The following GBE1 variants were observed in gnomAD, a reference collection of about 807,000 sequenced individuals.
GBE1 encodes the protein 1,4-alpha-glucan-branching enzyme.
In GBE1, 70 loss-of-function variants were observed where a neutral mutation model predicts 88.8. The observed-to-expected ratio is 0.79, with a 90% confidence interval of 0.65 to 0.96. The LOEUF (loss-of-function observed/expected upper bound fraction) is 0.96. Among genes scored for constraint, GBE1 ranks in the 40% least tolerant of loss-of-function variants. The pLI, the probability that GBE1 is intolerant of heterozygous loss-of-function variation, is 0.00. For missense variants in GBE1, 872 were observed against 871.0 expected (o/e 1.00, Z -0.01); for synonymous variants, 284 against 300.1 (o/e 0.95, Z 0.56).
rs1247928713 is a variant in GBE1 at position 81,737,818 on chromosome 3, T to C, written c.143+23557A>G. 2.4e-4 allele frequency among the ~76,000 whole-genome samples: 37 copies of C among 152,154 alleles called. 1 individual carries two copies. The highest frequency in any genetic ancestry group is 2.4e-3 in the Admixed American group (36 of 15,262). Reference sequence around the variant, plus strand: ...GCACAATGCGCAGGTTAGTTACATATGTATACATGTGACATGCTGGTGCGC... The same window carrying C: ...GCACAATGCGCAGGTTAGTTACATACGTATACATGTGACATGCTGGTGCGC... On this transcript the variant is annotated intron_variant, in intron 1 of 15. Transcript: ENST00000429644.
At chr3:81,506,170 G>T (rs908351878) in intron 14 of GBE1, among the ~76,000 whole-genome samples, 4 of 152,032 alleles carry the variant, frequency 2.6e-5, no homozygotes, top group African/African-American at 4.8e-5. Context: ...ATCTGACAAA[G>T]TTCTAATATT....
At chr3:81,637,281 G>A (rs1704604717) in intron 7 of GBE1, among the ~76,000 whole-genome samples, 1 of 152,080 alleles carries the variant, frequency 6.6e-6, no homozygotes, top group East Asian at 1.9e-4. Flanking sequence ...CATAGCATTA[G>A]GCTACTATTG....
In GBE1 at chr3:81,590,739, C is replaced by T. The variant is rs116990142; in HGVS notation, c.1236+298G>A. 5.8e-3 allele frequency among the ~76,000 whole-genome samples: 882 copies of T among 152,174 alleles called. 20 individuals are homozygous for T. Among genetic ancestry groups the T allele is most frequent in the East Asian group, 0.03 (155 of 5,186 alleles). The stretch of plus-strand genomic sequence containing the variant: ...CATTAATATTCAATTCTTTTCTCTG[C>T]TGAAGGTCTCATAGCGAAGGGCCTG... On this transcript the variant is annotated intron_variant, in intron 9 of 15. Transcript: ENST00000429644.
At chr3:81,665,774 G>A (rs896230393) in intron 3 of GBE1, among the ~76,000 whole-genome samples, 6 of 152,122 alleles carry the variant, frequency 3.9e-5, no homozygotes, top group African/African-American at 1.4e-4. Flanking sequence ...ACAATTTACA[G>A]GGTAAATTCA....
chr3:81,678,266 T>C, intron 2 of GBE1, among the ~76,000 whole-genome samples: 1 of 152,104 alleles, frequency 6.6e-6, no homozygotes. Flanking sequence ...AAAGGTGAAG[T>C]CAAAGTAAAG....
chr3:81,540,660 T>C (rs1703131607), intron 12 of GBE1, among the ~76,000 whole-genome samples: 1 of 152,108 alleles, frequency 6.6e-6, no homozygotes, highest in Non-Finnish European at 1.5e-5. Context: ...CATTTATTCA[T>C]ATTTTAATAA....
At chr3:81,728,064 T>C (rs1003673598) in intron 1 of GBE1, among the ~76,000 whole-genome samples, 3 of 152,148 alleles carry the variant, frequency 2.0e-5, no homozygotes, top group African/African-American at 7.2e-5. Context: ...GTACCTATTT[T>C]ATTTGTATAC....
chr3:81,597,413 T>C (rs926945441), intron 7 of GBE1, among the ~76,000 whole-genome samples: 7 of 149,196 alleles, frequency 4.7e-5, no homozygotes, highest in African/African-American at 7.3e-5. Flanking sequence ...AACTTTTAGA[T>C]GGTGATGTCA....
chr3:81,759,979 C>T (rs371825100), intron 1 of GBE1, among the ~76,000 whole-genome samples: 1 of 152,120 alleles, frequency 6.6e-6, no homozygotes, highest in African/African-American at 2.4e-5. Flanking sequence ...AAAAATCTAA[C>T]CACTACCTTT....
intron 7 of GBE1, among the ~76,000 whole-genome samples, chr3:81,596,443 C>T (rs969870176): frequency 1.3e-5 from 2 of 151,434 alleles, no homozygotes; most frequent in South Asian, 2.1e-4. Flanking sequence ...CCCGCTAAGT[C>T]GATTTTCTAA....
intron 15 of GBE1, among the ~76,000 whole-genome samples, chr3:81,496,669 C>A (rs991058949): frequency 3.3e-5 from 5 of 152,174 alleles, no homozygotes; most frequent in Non-Finnish European, 5.9e-5. Context: ...ATAAGGAGTT[C>A]TCTTATAATG....
chr3:81,615,423 C>G (rs1704236138), intron 7 of GBE1, among the ~76,000 whole-genome samples: 1 of 152,164 alleles, frequency 6.6e-6, no homozygotes, highest in Non-Finnish European at 1.5e-5. Context: ...ATAGTTGCAT[C>G]CAGAGCACTC....
intron 3 of GBE1, among the ~76,000 whole-genome samples, chr3:81,658,139 C>A (rs1266249331): frequency 6.6e-6 from 1 of 151,858 alleles, no homozygotes; most frequent in Non-Finnish European, 1.5e-5. Context: ...AAACAAGAAA[C>A]CTTTCCAAGG....
Position 81,613,163 on chromosome 3 carries a change from T to C in GBE1, c.993-19140A>G, listed in dbSNP as rs1048075282. ...AAGCTGCAGTCTTTTTTTTTTTTTT[T>C]AATCTTGTCCTCAGTCACCCTGTTC... On this transcript the variant is annotated intron_variant, in intron 7 of 15. Transcript: ENST00000429644. 1.3e-4 allele frequency: 35 copies of C among 277,708 alleles called. No individual in the cohort carries two copies. In the Middle Eastern group the frequency reaches 4.1e-3, roughly 33 times the overall value. The allele number at this position is 277,708 out of a possible 1,614,324, so 17.2% of individuals were successfully genotyped here.
chr3:81,729,676 A>T (rs1449862219), intron 1 of GBE1, among the ~76,000 whole-genome samples: 1 of 152,130 alleles, frequency 6.6e-6, no homozygotes, highest in South Asian at 2.1e-4. Context: ...GGCCTCTTAG[A>T]CATCAGATGA....
intron 1 of GBE1, among the ~76,000 whole-genome samples, chr3:81,752,843 T>C (rs1190499533): frequency 6.6e-6 from 1 of 152,184 alleles, no homozygotes; most frequent in Non-Finnish European, 1.5e-5. Flanking sequence ...TATCTGATGA[T>C]TGATTTCAGA....
chr3:81,490,251 T>C lies in GBE1; in HGVS notation c.*156A>G. On this transcript the variant is annotated 3_prime_UTR_variant, in exon 16 of 16. Coordinates refer to ENST00000429644, the MANE Select transcript of GBE1 (RefSeq NM_000158.4). Reference sequence around the variant, plus strand: ...TCTCCCATCTACTTAAATAAAAGTTTGCTGTATTTGCATAAACCAATATTG... The same window carrying C: ...TCTCCCATCTACTTAAATAAAAGTTCGCTGTATTTGCATAAACCAATATTG... The C allele has an allele frequency of 1.6e-6, 1 of 628,002 alleles. No homozygotes were observed. 38.9% of individuals were successfully genotyped at this position (628,002 alleles called of 1,614,324 possible).
intron 7 of GBE1, among the ~76,000 whole-genome samples, chr3:81,605,321 T>C (rs902969892): frequency 6.6e-6 from 1 of 152,172 alleles, no homozygotes; most frequent in East Asian, 1.9e-4. Flanking sequence ...TACATATATA[T>C]AATTTATAAT....
intron 7 of GBE1, chr3:81,612,617 AGTG>A (rs1241353399): frequency 4.9e-6 from 3 of 608,128 alleles, no homozygotes; most frequent in African/African-American, 1.8e-5. Flanking sequence ...CTTCTGAAAA[AGTG>A]GTTGGCGGAG....
Sources: allele counts gnomAD v4.1 joint callset (sites outside exome capture counted in the v4.1 genomes callset), GRCh38; gene constraint gnomAD v4.1.1; transcripts MANE v1.5; gene names NCBI Gene and HGNC (gene_info 2026-07-23, HGNC 2026-07-21).